GPR39: variants seen among roughly 807,000 people sequenced by gnomAD.
GPR39 encodes the protein zinc sensing receptor.
GPR39 carries 23 observed loss-of-function variants against 18.4 expected under a neutral mutation model. That is an observed-to-expected ratio of 1.25 (90% CI 0.90 to 1.77). The LOEUF (loss-of-function observed/expected upper bound fraction) is 1.77, where lower values mean the gene tolerates loss of function less well. Among genes scored for constraint, GPR39 ranks in the 40% most tolerant of loss-of-function variants. GPR39 has a pLI of 0.00. For missense variants in GPR39, 647 were observed against 602.4 expected, an observed-to-expected ratio of 1.07 and a Z score of -0.78; for synonymous variants, 280 against 257.9, an observed-to-expected ratio of 1.09 and a Z score of -0.82.
chr2:132,490,282 T>C (rs1681431495), intron 1 of GPR39, among the ~76,000 whole-genome samples: 1 of 151,808 alleles, frequency 6.6e-6, no homozygotes, highest in Non-Finnish European at 1.5e-5. Context: ...AAGAAAGAAA[T>C]GGAAAGGGAT....
intron 1 of GPR39, among the ~76,000 whole-genome samples, chr2:132,525,063 T>G (rs1679485119): frequency 6.6e-6 from 1 of 152,168 alleles, no homozygotes; most frequent in Non-Finnish European, 1.5e-5. Flanking sequence ...CAGCTGCCCC[T>G]GGAATTTGAG....
intron 1 of GPR39, among the ~76,000 whole-genome samples, chr2:132,527,805 G>C (rs1558827280): frequency 6.6e-6 from 1 of 151,150 alleles, no homozygotes; most frequent in Non-Finnish European, 1.5e-5. Flanking sequence ...CTTGTAAATT[G>C]GTTTAAGTTC....
At chr2:132,464,592 T>C (rs905029667) in intron 1 of GPR39, among the ~76,000 whole-genome samples, 6 of 152,172 alleles carry the variant, frequency 3.9e-5, no homozygotes, top group African/African-American at 1.4e-4. Flanking sequence ...AACATCTCAC[T>C]CATGCTGCTG....
chr2:132,459,450 A>G (rs1201907967), intron 1 of GPR39, among the ~76,000 whole-genome samples: 1 of 152,132 alleles, frequency 6.6e-6, no homozygotes, highest in African/African-American at 2.4e-5. Context: ...AAAAGGCTTT[A>G]CCCTGACCAC....
chr2:132,528,485 A>T (rs2104773087), intron 1 of GPR39, among the ~76,000 whole-genome samples: 1 of 152,286 alleles, frequency 6.6e-6, no homozygotes, highest in Admixed American at 6.5e-5. Flanking sequence ...TGGTAGTTTG[A>T]TGGGAAGAGC....
intron 1 of GPR39, among the ~76,000 whole-genome samples, chr2:132,464,251 G>A (rs1051903637): frequency 6.6e-6 from 1 of 152,166 alleles, no homozygotes; most frequent in African/African-American, 2.4e-5. Flanking sequence ...CCTTGCTTGG[G>A]ATCATGCATA....
intron 1 of GPR39, among the ~76,000 whole-genome samples, chr2:132,426,531 G>A (rs1680120896): frequency 6.6e-6 from 1 of 152,212 alleles, no homozygotes; most frequent in African/African-American, 2.4e-5. Context: ...GGAGATGCCT[G>A]TACCCCTCAT....
At chr2:132,522,722 G>C (rs1031974070) in intron 1 of GPR39, among the ~76,000 whole-genome samples, 4 of 152,170 alleles carry the variant, frequency 2.6e-5, no homozygotes, top group Non-Finnish European at 5.9e-5. Context: ...TCTTGTCTGA[G>C]TAGAAGCTGC....
intron 1 of GPR39, among the ~76,000 whole-genome samples, chr2:132,584,212 G>A (rs1435691393): frequency 6.6e-6 from 1 of 152,120 alleles, no homozygotes; most frequent in Non-Finnish European, 1.5e-5. Context: ...GTGGATCCAG[G>A]CCTTTATGGA....
intron 1 of GPR39, among the ~76,000 whole-genome samples, chr2:132,419,529 G>A (rs768414356): frequency 2.0e-5 from 3 of 152,214 alleles, no homozygotes; most frequent in East Asian, 3.9e-4. Context: ...AGTAGGTAAC[G>A]TTATCTTGGG....
intron 1 of GPR39, among the ~76,000 whole-genome samples, chr2:132,634,704 G>T (rs1249659623): frequency 6.6e-6 from 1 of 152,142 alleles, no homozygotes; most frequent in East Asian, 1.9e-4. Context: ...TATGCTCTAG[G>T]TCCTGGCCTG....
chr2:132,437,909 T>C (rs1045070124), intron 1 of GPR39, among the ~76,000 whole-genome samples: 1 of 152,190 alleles, frequency 6.6e-6, no homozygotes, highest in Non-Finnish European at 1.5e-5. Flanking sequence ...AGAGCCTAAC[T>C]CTGGGGCTGC....
At chr2:132,620,928 A>G (rs1340338947) in intron 1 of GPR39, among the ~76,000 whole-genome samples, 1 of 151,884 alleles carries the variant, frequency 6.6e-6, no homozygotes. Flanking sequence ...AATTTTTTGT[A>G]TTTTTAGTAA....
chr2:132,497,572 T>C (rs935221103), intron 1 of GPR39, among the ~76,000 whole-genome samples: 2 of 152,210 alleles, frequency 1.3e-5, no homozygotes, highest in Admixed American at 6.5e-5. Context: ...AAAAGGTGAA[T>C]GTTGGACTCA....
At chr2:132,553,369 A>T (rs1395850958) in intron 1 of GPR39, among the ~76,000 whole-genome samples, 1 of 150,130 alleles carries the variant, frequency 6.7e-6, no homozygotes, top group African/African-American at 2.4e-5. Flanking sequence ...GTATATATGT[A>T]TATATGTGTG....
At chr2:132,505,203 T>C (rs888474015) in intron 1 of GPR39, among the ~76,000 whole-genome samples, 1 of 152,194 alleles carries the variant, frequency 6.6e-6, no homozygotes, top group Non-Finnish European at 1.5e-5. Flanking sequence ...ATCACAATGG[T>C]GAGAGGCCGA....
rs557398508 is a variant in GPR39, at chr2:132,561,228, C to T, written c.857-83873C>T. On this transcript the variant is annotated intron_variant, in intron 1 of 1. Coordinates refer to ENST00000329321, the MANE Select transcript of GPR39 (RefSeq NM_001508.3). ...CCACTGCACCTGGCCCAGTGCCTCACATTTTCAAAACAGATTCCTTCTTTT... is the reference window on the plus strand; with the variant it reads ...CCACTGCACCTGGCCCAGTGCCTCATATTTTCAAAACAGATTCCTTCTTTT... Among the ~76,000 whole-genome samples, 69 of 152,226 alleles carry T rather than the reference C, an allele frequency of 4.5e-4. No individual in the cohort carries two copies. The South Asian group carries it at 0.014, about 31-fold the overall frequency.
chr2:132,632,740 A>G (rs1308357685), intron 1 of GPR39, among the ~76,000 whole-genome samples: 4 of 152,318 alleles, frequency 2.6e-5, no homozygotes. Context: ...AAGCAAGTGC[A>G]AGTTAAGTAC....
In GPR39 at chr2:132,476,546, G is replaced by T. The variant is rs1681129746; in HGVS notation, c.856+58648G>T. On this transcript the variant is annotated intron_variant, in intron 1 of 1. Transcript: ENST00000329321. Reference sequence around the variant, plus strand: ...AGCTACTCAGGAGGCTGAGGCAGGAGAATCACTTGAACCCGGGAGGTGGAG... The same window carrying T: ...AGCTACTCAGGAGGCTGAGGCAGGATAATCACTTGAACCCGGGAGGTGGAG... Among the ~76,000 whole-genome samples the T allele has an allele frequency of 2.1e-5, 3 of 141,342 alleles. No homozygotes were observed. The South Asian group carries it at 6.8e-4, about 32-fold the overall frequency. The allele number at this position is 141,342 out of a possible 152,430, so 92.7% of individuals were successfully genotyped here.
Sources: allele counts gnomAD v4.1 joint callset (sites outside exome capture counted in the v4.1 genomes callset), GRCh38; gene constraint gnomAD v4.1.1; transcripts MANE v1.5; gene names NCBI Gene and HGNC (gene_info 2026-07-23, HGNC 2026-07-21).